ANO1: variants seen among roughly 807,000 people sequenced by gnomAD.
The protein encoded by ANO1 is anoctamin 1.
A neutral mutation model predicts 124.0 loss-of-function variants in ANO1; 59 were observed. The observed-to-expected ratio is 0.48, with a 90% CI of 0.39 to 0.59. The LOEUF is 0.59. ANO1 is among the 20% of genes least tolerant of loss of function. The pLI is 0.00. For missense variants in ANO1, 1,059 were observed against 1,328.0 expected (o/e 0.80, Z 3.15); for synonymous variants, 529 against 532.0 (o/e 0.99, Z 0.08).
In ANO1 at chr11:70,163,250, T is replaced by G. The variant is rs775347324; in HGVS notation, c.1893-33T>G. On this transcript the variant is annotated intron_variant, in intron 18 of 25. Coordinates refer to ENST00000355303, the MANE Select transcript of ANO1 (RefSeq NM_018043.7). ...CTCCCCGAGCTGAGCCAGGGGCTCA[T>G]CTTTTCTCTAACGACCTCCCCCATC... 1.7e-5 allele frequency: 27 copies of G among 1,608,896 alleles called. No homozygotes were observed. In the African/African-American group the frequency reaches 2.4e-4, roughly 14 times the overall value.
the ANO1 span, among the ~76,000 whole-genome samples, chr11:69,977,995 G>A: frequency 6.6e-6 from 1 of 152,184 alleles, no homozygotes; most frequent in Non-Finnish European, 1.5e-5. Flanking sequence ...AGGGACACTT[G>A]AGGAGGGTTT....
chr11:70,167,334 T>C lies in ANO1; in HGVS notation c.2144T>C (p.Val715Ala). ...GTGAAGAGGAAACAGCGGTACGAGG[T>C]GGATTACAACCTGGAGCCCTTCGCG... The part of the protein sequence containing the change: ...ECVKRKQRYE[V>A]DYNLEPFAGL... Residue 715 changes from valine (V) to alanine (A), a missense_variant, in exon 21 of 26, where the codon GTG becomes GCG. Physicochemically the swap from Val to Ala is moderately conservative, Grantham distance 64. Coordinates refer to ENST00000355303, the MANE Select transcript of ANO1 (RefSeq NM_018043.7). 6.2e-7 allele frequency: 1 copy of C among 1,613,714 alleles called. No individual in the cohort carries two copies. Among genetic ancestry groups the C allele is most frequent in the Non-Finnish European group, 8.5e-7 (1 of 1,179,790 alleles).
chr11:69,993,525 G>A (rs1398486475), intron 1 of ANO1, among the ~76,000 whole-genome samples: 1 of 152,174 alleles, frequency 6.6e-6, no homozygotes, highest in Non-Finnish European at 1.5e-5. Flanking sequence ...TGATCAAGGT[G>A]TGTGCTAGGC....
At chr11:70,006,663 C>CTTTTTTTT (rs56851839) in intron 1 of ANO1, among the ~76,000 whole-genome samples, 25 of 88,996 alleles carry the variant, frequency 2.8e-4, no homozygotes, top group African/African-American at 4.2e-4. Context: ...TTTCTTCTTT[C>CTTTTTTTT]TTTTTTTTTT....
In ANO1 at chr11:70,189,344, C is replaced by T. The variant is rs1565295498; in HGVS notation, c.*1340C>T. The T allele has an allele frequency of 6.6e-6, 1 of 152,630 alleles. No individual in the cohort carries two copies. The highest frequency in any genetic ancestry group is 1.5e-5 in the Non-Finnish European group (1 of 68,040). 9.5% of individuals were successfully genotyped at this position (152,630 alleles called of 1,614,324 possible). On this transcript the variant is annotated 3_prime_UTR_variant, in exon 26 of 26. Coordinates refer to ENST00000355303, the MANE Select transcript of ANO1 (RefSeq NM_018043.7). ...CCATTATTTGCTAAAATCATGCAAT[C>T]TGATGCTTCTCTTTTCTCTTGTACA...
chr11:70,133,661 G>GC (rs1590822507), intron 11 of ANO1, among the ~76,000 whole-genome samples: 1 of 152,238 alleles, frequency 6.6e-6, no homozygotes, highest in East Asian at 1.9e-4. Flanking sequence ...TGCATTCGGG[G>GC]CTGGTGTTCT....
chr11:70,170,801 G>T, intron 21 of ANO1, 86 bp from the exon 22 acceptor site: 2 of 1,508,020 alleles, frequency 1.3e-6, no homozygotes, highest in South Asian at 2.6e-5. Flanking sequence ...AGCCAGACCT[G>T]TGCGGCTCGG....
chr11:70,088,174 G>A, intron 2 of ANO1, 90 bp downstream of exon 2: 1 of 917,586 alleles, frequency 1.1e-6, no homozygotes, highest in South Asian at 2.1e-5. Context: ...TAGTCAGAGG[G>A]TGCGAGGCTG....
At chr11:70,084,065 G>T (rs947504489) in intron 1 of ANO1, among the ~76,000 whole-genome samples, 1 of 152,140 alleles carries the variant, frequency 6.6e-6, no homozygotes. Flanking sequence ...ACTGGGGAAG[G>T]CCTGGGGGAG....
At chr11:70,105,631 G>C (rs142149311) in intron 4 of ANO1, 103 bp from the exon 5 acceptor site, 2 of 1,085,392 alleles carry the variant, frequency 1.8e-6, no homozygotes, top group Non-Finnish European at 2.8e-6. Flanking sequence ...TCCATTTCAC[G>C]GTCACGGCTA....
intron 19 of ANO1, among the ~76,000 whole-genome samples, chr11:70,164,088 T>C (rs2048161288): frequency 2.0e-5 from 3 of 152,258 alleles, no homozygotes; most frequent in Admixed American, 2.0e-4. Context: ...CCATAGAAGG[T>C]CTGGTTGTGC....
chr11:70,041,714 G>T (rs972029431), intron 1 of ANO1, among the ~76,000 whole-genome samples: 3 of 151,910 alleles, frequency 2.0e-5, no homozygotes, highest in African/African-American at 7.3e-5. Flanking sequence ...GGAGGTTCTC[G>T]GTGAAAATAT....
intron 1 of ANO1, among the ~76,000 whole-genome samples, chr11:70,032,975 G>C (rs1857028937): frequency 6.6e-6 from 1 of 152,286 alleles, no homozygotes; most frequent in Middle Eastern, 3.4e-3. Context: ...GCCTCCCTGG[G>C]TGAGGACCAG....
At chr11:70,104,322 C>G (rs1299586380) in intron 4 of ANO1, among the ~76,000 whole-genome samples, 172 bp downstream of exon 4, 1 of 151,752 alleles carries the variant, frequency 6.6e-6, no homozygotes, top group Non-Finnish European at 1.5e-5. Context: ...CTAAGATCAC[C>G]GTTAACTGAT....
intron 24 of ANO1, among the ~76,000 whole-genome samples, chr11:70,185,322 C>T (rs547745684): frequency 6.6e-6 from 1 of 152,336 alleles, no homozygotes; most frequent in South Asian, 2.1e-4. Flanking sequence ...ACGGCTGGGC[C>T]TGGGGATACT....
At chr11:69,982,161 A>G (rs568685088), upstream of ANO1, among the ~76,000 whole-genome samples, 11 of 152,332 alleles carry the variant, frequency 7.2e-5, no homozygotes, top group South Asian at 2.1e-3. Flanking sequence ...CTTAAAAATG[A>G]TCAATTTTAT....
At chr11:69,989,064 C>A (rs139243166) in intron 1 of ANO1, among the ~76,000 whole-genome samples, 1 of 152,076 alleles carries the variant, frequency 6.6e-6, no homozygotes, top group Non-Finnish European at 1.5e-5. Context: ...CAGGTGACTG[C>A]GTGCCAGTCA....
At chr11:70,134,507 T>C (rs1483754146) in intron 11 of ANO1, among the ~76,000 whole-genome samples, 1 of 152,180 alleles carries the variant, frequency 6.6e-6, no homozygotes, top group Admixed American at 6.5e-5. Context: ...GCGACGGACA[T>C]GAACTCTCAG....
the ANO1 span, among the ~76,000 whole-genome samples, chr11:69,966,893 C>A: frequency 6.6e-6 from 1 of 152,142 alleles, no homozygotes; most frequent in Non-Finnish European, 1.5e-5. Flanking sequence ...TCTAGGGTGG[C>A]AAACAACCCC....
Sources: allele counts gnomAD v4.1 joint callset (sites outside exome capture counted in the v4.1 genomes callset), GRCh38; gene constraint gnomAD v4.1.1; transcripts MANE v1.5; gene names NCBI Gene and HGNC (gene_info 2026-07-23, HGNC 2026-07-21).